The following FAM193A variants were observed in gnomAD, a reference collection of about 807,000 sequenced individuals.
FAM193A encodes protein FAM193A.
A neutral mutation model predicts 126.5 loss-of-function variants in FAM193A; 22 were observed. The observed-to-expected ratio is 0.17, with a 90% CI of 0.12 to 0.25. The LOEUF (loss-of-function observed/expected upper bound fraction) is 0.25, where lower values mean the gene tolerates loss of function less well. Ranked by LOEUF, FAM193A falls within the 10% of genes least tolerant of loss-of-function variation. The probability of loss-of-function intolerance (pLI) is 1.00; values close to 1 mark genes in which losing one functional copy is unlikely to be tolerated. For synonymous variants in FAM193A, 761 were observed against 646.8 expected (o/e 1.18, Z -2.68); for missense variants, 1,675 against 1,672.8 (o/e 1.00, Z -0.02).
intron 5 of FAM193A, among the ~76,000 whole-genome samples, chr4:2,631,394 C>T (rs938183397): frequency 6.6e-6 from 1 of 152,116 alleles, no homozygotes. Flanking sequence ...GCAGGTGACA[C>T]CTCATGGTAG....
At chr4:2,603,613 C>T (rs1227172701) in intron 2 of FAM193A, among the ~76,000 whole-genome samples, 13 of 150,900 alleles carry the variant, frequency 8.6e-5, no homozygotes, top group Admixed American at 6.0e-4. Flanking sequence ...CATGCCACCA[C>T]GCCTGACTAA....
At chr4:2,637,856 G>T (rs898552968) in intron 5 of FAM193A, among the ~76,000 whole-genome samples, 8 of 152,242 alleles carry the variant, frequency 5.3e-5, no homozygotes, top group Admixed American at 3.9e-4. Flanking sequence ...AGGCACTCAG[G>T]TGTTAACATG....
At chr4:2,694,000 TGCAGGGATGTCCCCA>T (rs944749886) in intron 16 of FAM193A, 126 bp downstream of exon 16, 2 of 1,005,860 alleles carry the variant, frequency 2.0e-6, no homozygotes, top group African/African-American at 3.2e-5. Context: ...GCCGAGGGAA[TGCAGGGATGTCCCCA>T]GCAGAGGCCA....
chr4:2,618,332 A>G (rs1210568801), intron 2 of FAM193A, among the ~76,000 whole-genome samples: 1 of 152,150 alleles, frequency 6.6e-6, no homozygotes, highest in African/African-American at 2.4e-5. Flanking sequence ...TTCTTCACGT[A>G]GTCCCCTTTT....
chr4:2,604,147 G>T (rs1271726998), intron 2 of FAM193A, among the ~76,000 whole-genome samples: 3 of 152,148 alleles, frequency 2.0e-5, no homozygotes, highest in Non-Finnish European at 4.4e-5. Flanking sequence ...CCAGCCACTT[G>T]AATTACTTTT....
At chr4:2,540,776 T>C (rs1737184515) in intron 1 of FAM193A, among the ~76,000 whole-genome samples, 1 of 150,498 alleles carries the variant, frequency 6.6e-6, no homozygotes, top group Non-Finnish European at 1.5e-5. Context: ...GCCTGGCCAA[T>C]GTGATGAAAC....
chr4:2,619,839 T>C (rs1173024851), intron 2 of FAM193A, among the ~76,000 whole-genome samples: 1 of 152,148 alleles, frequency 6.6e-6, no homozygotes, highest in African/African-American at 2.4e-5. Context: ...TGCAGGCTTG[T>C]GCCTCCATGC....
intron 19 of FAM193A, among the ~76,000 whole-genome samples, chr4:2,703,869 G>A (rs1001898744): frequency 6.6e-6 from 1 of 152,008 alleles, no homozygotes; most frequent in Non-Finnish European, 1.5e-5. Flanking sequence ...CTACTTGGGA[G>A]GCTGAGGCAG....
chr4:2,655,831 T>C (rs1200966472), intron 7 of FAM193A, among the ~76,000 whole-genome samples: 1 of 152,088 alleles, frequency 6.6e-6, no homozygotes, highest in Non-Finnish European at 1.5e-5. Flanking sequence ...CTTGGGAGGC[T>C]GAGGTGGGAG....
intron 19 of FAM193A, among the ~76,000 whole-genome samples, chr4:2,704,596 G>C (rs1164175603): frequency 1.3e-5 from 2 of 152,050 alleles, no homozygotes; most frequent in African/African-American, 4.8e-5. Context: ...TTTTAAAAAG[G>C]TAAGTGCTTT....
intron 5 of FAM193A, among the ~76,000 whole-genome samples, chr4:2,633,585 G>A (rs1340998636): frequency 1.3e-5 from 2 of 151,556 alleles, no homozygotes; most frequent in Admixed American, 1.3e-4. Context: ...GGAAACAACT[G>A]AATTTACTAG....
intron 1 of FAM193A, among the ~76,000 whole-genome samples, chr4:2,556,104 C>T (rs1032680650): frequency 4.6e-5 from 7 of 151,434 alleles, no homozygotes; most frequent in African/African-American, 1.7e-4. Flanking sequence ...CCATGTTGGT[C>T]GGGCTGGTCT....
intron 20 of FAM193A, among the ~76,000 whole-genome samples, chr4:2,727,736 C>T (rs1313922819): frequency 2.0e-5 from 3 of 152,122 alleles, no homozygotes; most frequent in African/African-American, 7.2e-5. Flanking sequence ...AAAGGTAGGA[C>T]ATAAATCCTT....
At chr4:2,641,463 G>A (rs1039088482) in intron 6 of FAM193A, among the ~76,000 whole-genome samples, 3 of 151,864 alleles carry the variant, frequency 2.0e-5, no homozygotes, top group African/African-American at 7.2e-5. Flanking sequence ...AGACCATCCT[G>A]GCTAACACGG....
chr4:2,687,677 T>C (rs1384834187), intron 13 of FAM193A, among the ~76,000 whole-genome samples: 2 of 152,180 alleles, frequency 1.3e-5, no homozygotes, highest in Admixed American at 6.5e-5. Context: ...TCCTTTCTCA[T>C]CCCCTGACTA....
chr4:2,689,391 C>T (rs1238216211), intron 13 of FAM193A, 115 bp from the exon 14 acceptor site: 3 of 707,332 alleles, frequency 4.2e-6, no homozygotes, highest in Non-Finnish European at 6.8e-6. Context: ...GAGCTCAGCT[C>T]ATGGCGAGCA....
In FAM193A at chr4:2,580,957, G is replaced by A. The variant is rs184505577; in HGVS notation, c.256-15127G>A. 4.1e-3 allele frequency among the ~76,000 whole-genome samples: 625 copies of A among 152,182 alleles called. 5 individuals are homozygous for A. Among genetic ancestry groups the A allele is most frequent in the African/African-American group, 0.014 (583 of 41,550 alleles). ...ATCCTGGCTAACACGGTGAAACCCC[G>A]TCTCTACTAAAAATACAAAAAATTA... On this transcript the variant is annotated intron_variant, in intron 1 of 20. Transcript: ENST00000637812.
chr4:2,550,901 C>T (rs970015152), intron 1 of FAM193A, among the ~76,000 whole-genome samples: 17 of 150,096 alleles, frequency 1.1e-4, no homozygotes, highest in East Asian at 2.0e-4. Flanking sequence ...CCCGGGTTCA[C>T]GCCATTCTCC....
chr4:2,657,891 C>T lies in FAM193A; in HGVS notation c.1389+11C>T, dbSNP rs1711908394. 2 of 1,573,724 alleles carry T rather than the reference C, an allele frequency of 1.3e-6. No individual in the cohort carries two copies. Among genetic ancestry groups the T allele is most frequent in the African/African-American group, 1.4e-5 (1 of 73,706 alleles). Reference sequence around the variant, plus strand: ...TTCATTGAAGAACAGGTAAGCTTGTCAATAAGAGAGGCAATTAAAGGAAGT... The same window carrying T: ...TTCATTGAAGAACAGGTAAGCTTGTTAATAAGAGAGGCAATTAAAGGAAGT... On this transcript the variant is annotated intron_variant, in intron 8 of 20. Coordinates refer to ENST00000637812, the MANE Select transcript of FAM193A (RefSeq NM_001366318.2).
Sources: gnomAD v4.1 joint callset for allele counts (sites outside exome capture counted in the v4.1 genomes callset) on GRCh38, gnomAD v4.1.1 for gene constraint, MANE v1.5 for transcripts, NCBI Gene and HGNC (gene_info 2026-07-23, HGNC 2026-07-21) for gene names.